Variants in ASTN1 observed in about 807,000 individuals in gnomAD.
ASTN1 encodes astrotactin 1.
ASTN1 carries 41 observed loss-of-function variants against 140.7 expected under a neutral mutation model. The ratio of observed to expected loss-of-function variants is 0.29; its 90% CI spans 0.23 to 0.38. The LOEUF (loss-of-function observed/expected upper bound fraction) is 0.38. ASTN1 is among the 10% of genes least tolerant of loss of function. ASTN1 has a pLI of 1.00. For synonymous variants in ASTN1, 640 were observed against 652.2 expected, an observed-to-expected ratio of 0.98 and a Z score of 0.29; for missense variants, 1,479 against 1,678.8, an observed-to-expected ratio of 0.88 and a Z score of 2.08.
chr1:176,936,253 C>A lies in ASTN1; in HGVS notation c.2482+13G>T. On this transcript the variant is annotated intron_variant, in intron 15 of 22. Transcript: ENST00000361833. ...CAGGGAAGGTGGGCAGGATAGCCTG[C>A]AGCAGTGCTCACCCTGAGAGATGGC... 6.2e-7 allele frequency: 1 copy of A among 1,608,030 alleles called. No individual in the cohort carries two copies.
intron 16 of ASTN1, among the ~76,000 whole-genome samples, chr1:176,904,308 A>T (rs1669892352): frequency 7.2e-6 from 1 of 139,222 alleles, no homozygotes; most frequent in Non-Finnish European, 1.6e-5. Flanking sequence ...TCCCGGCTCC[A>T]TCGGCGTCCT....
chr1:177,133,694 C>T (rs1321501295), intron 1 of ASTN1, among the ~76,000 whole-genome samples: 6 of 152,180 alleles, frequency 3.9e-5, no homozygotes, highest in Admixed American at 3.9e-4. Flanking sequence ...TAAGCATCTC[C>T]ACTCATCCAA....
chr1:177,008,519 T>G (rs111549221), intron 8 of ASTN1, among the ~76,000 whole-genome samples: 1,185 of 35,768 alleles, frequency 0.033, no homozygotes, highest in Middle Eastern at 0.077. Flanking sequence ...GAGCGGGAGA[T>G]AGGAAGAGGG....
At chr1:177,141,604 A>T (rs531916982) in intron 1 of ASTN1, among the ~76,000 whole-genome samples, 2 of 152,244 alleles carry the variant, frequency 1.3e-5, no homozygotes, top group African/African-American at 4.8e-5. Flanking sequence ...CTCTATTTCC[A>T]TGGAAACCTG....
At chr1:177,149,802 C>T (rs183573757) in intron 1 of ASTN1, among the ~76,000 whole-genome samples, 33 of 99,298 alleles carry the variant, frequency 3.3e-4, no homozygotes, top group African/African-American at 8.4e-4. Context: ...AGTGTATATA[C>T]ATAGTAAATA....
intron 18 of ASTN1, 27 bp downstream of exon 18, chr1:176,888,044 T>C: frequency 1.2e-6 from 2 of 1,613,594 alleles, no homozygotes; most frequent in South Asian, 1.1e-5. Context: ...TCCAGAGTAA[T>C]GCTGAAAGAG....
intron 1 of ASTN1, among the ~76,000 whole-genome samples, chr1:177,125,216 A>G (rs2102189340): frequency 6.6e-6 from 1 of 152,344 alleles, no homozygotes; most frequent in East Asian, 1.9e-4. Flanking sequence ...AGAAATGGGA[A>G]TTTGCCTGAG....
At chr1:177,114,186 C>G (rs1680963237) in intron 1 of ASTN1, among the ~76,000 whole-genome samples, 1 of 152,142 alleles carries the variant, frequency 6.6e-6, no homozygotes. Context: ...CAGTAAGCTA[C>G]TTAAGTTTAT....
In ASTN1 at chr1:177,085,836, G is replaced by T. The variant is rs559919397; in HGVS notation, c.284-24571C>A. On this transcript the variant is annotated intron_variant, in intron 1 of 22. Coordinates refer to ENST00000361833, the MANE Select transcript of ASTN1 (RefSeq NM_004319.3). ...TTCGCCAGGTTCGTACTTTCTTGGAGGCTCCTAGGTAGGCTAGTGCCTTTT... is the reference window on the plus strand; with the variant it reads ...TTCGCCAGGTTCGTACTTTCTTGGATGCTCCTAGGTAGGCTAGTGCCTTTT... Among the ~76,000 whole-genome samples the T allele has an allele frequency of 3.3e-5, 5 of 152,230 alleles. No homozygotes were observed. The South Asian group carries it at 1.0e-3, about 32-fold the overall frequency.
In ASTN1 at chr1:176,862,666, A is replaced by G. The variant is rs1668006852; in HGVS notation, c.*1618T>C. 6 of 925,888 alleles carry G rather than the reference A, an allele frequency of 6.5e-6. No homozygotes were observed. Among genetic ancestry groups the G allele is most frequent in the Non-Finnish European group, 7.7e-6 (6 of 776,020 alleles). 57.4% of individuals were successfully genotyped at this position (925,888 alleles called of 1,614,324 possible). ...TTACAGTGCACAAGGGATTTGAGGC[A>G]AGTTGTATAACCTCTCTTTGCCTCG... On this transcript the variant is annotated 3_prime_UTR_variant, in exon 23 of 23. Transcript: ENST00000361833.
At chr1:177,134,484 C>T (rs554196896) in intron 1 of ASTN1, among the ~76,000 whole-genome samples, 19 of 152,276 alleles carry the variant, frequency 1.2e-4, no homozygotes, top group African/African-American at 4.1e-4. Context: ...TTGGTCTGTT[C>T]CCCACCAACC....
In ASTN1 at chr1:176,905,410, A is replaced by G. The variant is rs181610108; in HGVS notation, c.2672-10580T>C. Among the ~76,000 whole-genome samples the G allele has an allele frequency of 2.1e-3, 325 of 152,338 alleles. 5 individuals are homozygous for G. The highest frequency in any genetic ancestry group is 0.015 in the Admixed American group (224 of 15,290). On this transcript the variant is annotated intron_variant, in intron 16 of 22. Transcript: ENST00000361833. ...TCTAGAAATTTTTAATAAAAATATT[A>G]TTCAATAATAATACTACTCCAACCG...
intron 20 of ASTN1, among the ~76,000 whole-genome samples, chr1:176,878,972 C>T (rs937083600): frequency 6.6e-6 from 1 of 152,210 alleles, no homozygotes; most frequent in Non-Finnish European, 1.5e-5. Flanking sequence ...AGTCCGTCCT[C>T]TGCCCAGAGG....
In ASTN1 at chr1:176,934,195, C is replaced by T; in HGVS notation, c.2628G>A (p.Gln876=). The T allele has an allele frequency of 6.2e-7, 1 of 1,613,598 alleles. No homozygotes were observed. Among genetic ancestry groups the T allele is most frequent in the Non-Finnish European group, 8.5e-7 (1 of 1,179,600 alleles). ...ACTCCAGCCAGAGTCGCCGCTGGACCTGCTTGTTTGGGTACCAGATAGAAC... is the reference window on the plus strand; with the variant it reads ...ACTCCAGCCAGAGTCGCCGCTGGACTTGCTTGTTTGGGTACCAGATAGAAC... The part of the protein sequence containing the change: ...ESCSIWYPNK[Q]VQRRLWLEYE... Residue 876 remains glutamine, a synonymous_variant, in exon 16 of 23, where the codon CAG becomes CAA. Transcript: ENST00000361833.
chr1:176,918,398 A>G (rs1670582107), intron 16 of ASTN1, among the ~76,000 whole-genome samples: 1 of 152,094 alleles, frequency 6.6e-6, no homozygotes, highest in Non-Finnish European at 1.5e-5. Context: ...TTCCCCTTAG[A>G]TATCTCTATG....
At chr1:177,139,905 C>T (rs967810480) in intron 1 of ASTN1, among the ~76,000 whole-genome samples, 1 of 152,056 alleles carries the variant, frequency 6.6e-6, no homozygotes, top group Non-Finnish European at 1.5e-5. Context: ...AAATCAATCA[C>T]TGTAAGAAAT....
At chr1:176,965,569 C>T (rs1383926409) in intron 8 of ASTN1, among the ~76,000 whole-genome samples, 1 of 152,218 alleles carries the variant, frequency 6.6e-6, no homozygotes, top group Admixed American at 6.5e-5. Context: ...AGAAACCTAG[C>T]TTGGGCTCCC....
chr1:176,893,569 A>G (rs895004096), intron 17 of ASTN1, among the ~76,000 whole-genome samples: 1 of 152,204 alleles, frequency 6.6e-6, no homozygotes, highest in Non-Finnish European at 1.5e-5. Flanking sequence ...CACACCTACA[A>G]AATCCCTCCT....
intron 8 of ASTN1, among the ~76,000 whole-genome samples, chr1:177,001,497 T>TA (rs1674726811): frequency 6.6e-6 from 1 of 152,224 alleles, no homozygotes; most frequent in African/African-American, 2.4e-5. Context: ...ATGAAGTAGA[T>TA]ACTATTATTC....
Sources: gnomAD v4.1 joint callset for allele counts (sites outside exome capture counted in the v4.1 genomes callset) on GRCh38, gnomAD v4.1.1 for gene constraint, MANE v1.5 for transcripts, NCBI Gene and HGNC (gene_info 2026-07-23, HGNC 2026-07-21) for gene names.